Variants in SLC8A3 observed in about 807,000 individuals in gnomAD.
The protein encoded by SLC8A3 is sodium/calcium exchanger 3.
Under a neutral mutation model 65.4 loss-of-function variants are expected in SLC8A3, and 37 were observed. That is an observed-to-expected ratio of 0.57 (90% CI 0.44 to 0.74). The LOEUF is 0.74. Among genes scored for constraint, SLC8A3 ranks in the 30% least tolerant of loss-of-function variants. The pLI, the probability that SLC8A3 is intolerant of heterozygous loss-of-function variation, is 0.00. For synonymous variants in SLC8A3, 461 were observed against 444.5 expected (o/e 1.04, Z -0.47); for missense variants, 1,112 against 1,172.1 (o/e 0.95, Z 0.75).
At chr14:70,161,136 A>AT (rs1484012095) in intron 2 of SLC8A3, among the ~76,000 whole-genome samples, 4 of 144,660 alleles carry the variant, frequency 2.8e-5, no homozygotes, top group African/African-American at 1.0e-4. Context: ...TATATATATA[A>AT]ATATAAATAT....
chr14:70,056,857 G>A (rs1188470448), intron 3 of SLC8A3, among the ~76,000 whole-genome samples: 2 of 152,202 alleles, frequency 1.3e-5, no homozygotes, highest in Non-Finnish European at 2.9e-5. Flanking sequence ...TTGTACTTAT[G>A]CTGAACCCTC....
At position 70,046,270 on chromosome 14, in the gene SLC8A3, T is replaced by C. The variant is rs150876389; in HGVS notation, c.2443A>G (p.Ile815Val). Residue 815 changes from isoleucine (I) to valine (V), a missense_variant, in exon 7 of 7, where the codon ATT (isoleucine) becomes GTT (valine). Transcript: ENST00000356921. This position sits in a 1 kb window ranked among gnomAD's most constrained non-coding sequence, Gnocchi z 4.2. Reference sequence around the variant, plus strand: ...GCGTTGCTGCCCGTCACGTTGCCAATGGAGGCGTCTGCATATACATCCTGG... The same window carrying C: ...GCGTTGCTGCCCGTCACGTTGCCAACGGAGGCGTCTGCATATACATCCTGG... ...ALQDVYADAS[I>V]GNVTGSNAVN... 2,203 of 1,614,078 alleles carry C rather than the reference T, an allele frequency of 1.4e-3. 13 individuals carry two copies. The highest frequency in any genetic ancestry group is 5.7e-3 in the South Asian group (515 of 91,066).
intron 1 of SLC8A3, among the ~76,000 whole-genome samples, chr14:70,183,798 T>G (rs1299843703): frequency 1.3e-5 from 2 of 152,204 alleles, no homozygotes; most frequent in East Asian, 3.8e-4. Context: ...CCAGGACACA[T>G]AGCCCTCCTG....
Position 70,091,675 on chromosome 14 carries a change from C to T in SLC8A3, c.1785-30736G>A, listed in dbSNP as rs1169274261. ...TGATCATTTGAATCACCATCTTTTACGTTCTATTTTAACTTGAGGCAACAT... is the reference window on the plus strand; with the variant it reads ...TGATCATTTGAATCACCATCTTTTATGTTCTATTTTAACTTGAGGCAACAT... On this transcript the variant is annotated intron_variant, in intron 2 of 6. Transcript: ENST00000356921. Among the ~76,000 whole-genome samples, 11 of 152,252 alleles carry T rather than the reference C, an allele frequency of 7.2e-5. No homozygotes were observed. In the East Asian group the frequency reaches 1.2e-3, roughly 16 times the overall value.
intron 2 of SLC8A3, among the ~76,000 whole-genome samples, chr14:70,116,699 C>T (rs1893694026): frequency 6.6e-6 from 1 of 152,146 alleles, no homozygotes; most frequent in African/African-American, 2.4e-5. Context: ...GCTCCAGCCA[C>T]CCTTTCTGAC....
chr14:70,075,404 G>C (rs1890411376), intron 2 of SLC8A3, among the ~76,000 whole-genome samples: 1 of 152,162 alleles, frequency 6.6e-6, no homozygotes, highest in East Asian at 1.9e-4. Context: ...TTATTTTTAG[G>C]CAATAGGGAG....
At chr14:70,090,881 G>A (rs1417669777) in intron 2 of SLC8A3, among the ~76,000 whole-genome samples, 1 of 152,088 alleles carries the variant, frequency 6.6e-6, no homozygotes, top group Non-Finnish European at 1.5e-5. Context: ...GATAATTCAG[G>A]TGCTTCTTAC....
intron 2 of SLC8A3, among the ~76,000 whole-genome samples, chr14:70,113,374 G>T (rs1006934635): frequency 6.6e-6 from 1 of 152,088 alleles, no homozygotes; most frequent in Non-Finnish European, 1.5e-5. Context: ...CCTAGAAAAG[G>T]CACAGCAAAA....
chr14:70,062,396 C>CCCCAA, intron 2 of SLC8A3, among the ~76,000 whole-genome samples: 1 of 152,260 alleles, frequency 6.6e-6, no homozygotes, highest in East Asian at 1.9e-4. Flanking sequence ...TCCCATAAGG[C>CCCCAA]TATATACTAC....
chr14:70,064,284 C>T (rs1263908366), intron 2 of SLC8A3, among the ~76,000 whole-genome samples: 2 of 152,180 alleles, frequency 1.3e-5, no homozygotes, highest in East Asian at 1.9e-4. Context: ...CATCCCAGGG[C>T]AGTTATGAGA....
At chr14:70,102,760 T>G (rs1368237563) in intron 2 of SLC8A3, among the ~76,000 whole-genome samples, 3 of 151,994 alleles carry the variant, frequency 2.0e-5, no homozygotes, top group Admixed American at 2.0e-4. Flanking sequence ...TTGTCCAATC[T>G]GAAGAACATA....
chr14:70,088,998 G>A (rs529453877), intron 2 of SLC8A3, among the ~76,000 whole-genome samples: 1 of 152,130 alleles, frequency 6.6e-6, no homozygotes, highest in South Asian at 2.1e-4. Context: ...TTATATTCCT[G>A]ACCTGATTTG....
Position 70,166,968 on chromosome 14 carries a change from G to T in SLC8A3, c.1455C>A (p.Ser485Arg). Reference sequence around the variant, plus strand: ...GCTGCTCCTCCTCTATGCGGACATTGCTCAACCTTACAAAGAAGTGTTCAT... The same window carrying T: ...GCTGCTCCTCCTCTATGCGGACATTTCTCAACCTTACAAAGAAGTGTTCAT... ...EEDEHFFVRL[S>R]NVRIEEEQPE... Residue 485 changes from serine (S) to arginine (R), a missense_variant, in exon 2 of 7, where the codon AGC (serine) becomes AGA (arginine). By Grantham distance (110) the Ser-to-Arg change is moderately radical (BLOSUM62 -1). Transcript: ENST00000356921. The T allele has an allele frequency of 6.2e-7, 1 of 1,614,066 alleles. No homozygotes were observed. Among genetic ancestry groups the T allele is most frequent in the South Asian group, 1.1e-5 (1 of 91,076 alleles).
At chr14:70,170,133 C>G (rs1451769386) in intron 1 of SLC8A3, among the ~76,000 whole-genome samples, 1 of 152,154 alleles carries the variant, frequency 6.6e-6, no homozygotes, top group African/African-American at 2.4e-5. Context: ...TTAAGCATAT[C>G]GCTCCCCTGT....
intron 3 of SLC8A3, 91 bp from the exon 4 acceptor site, chr14:70,052,205 A>G (rs1887592320): frequency 2.8e-6 from 4 of 1,443,982 alleles, no homozygotes; most frequent in Non-Finnish European, 3.7e-6. Context: ...CAGTGGGTAC[A>G]AAGCAAATAA....
At chr14:70,183,093 T>A (rs1267046798) in intron 1 of SLC8A3, among the ~76,000 whole-genome samples, 1 of 152,220 alleles carries the variant, frequency 6.6e-6, no homozygotes, top group Non-Finnish European at 1.5e-5. Context: ...AATTATCACA[T>A]GGAAGCCATG....
chr14:70,151,033 T>C (rs577855709), intron 2 of SLC8A3, among the ~76,000 whole-genome samples: 11 of 152,118 alleles, frequency 7.2e-5, no homozygotes, highest in Middle Eastern at 3.4e-3. Flanking sequence ...GGTGGGTGGA[T>C]CACGAGGTCA....
At chr14:70,138,999 T>C (rs1895397270) in intron 2 of SLC8A3, among the ~76,000 whole-genome samples, 1 of 152,222 alleles carries the variant, frequency 6.6e-6, no homozygotes, top group East Asian at 1.9e-4. Flanking sequence ...GAACTTTTCC[T>C]GCTGTCCCAA....
chr14:70,101,282 G>A (rs1892533721), intron 2 of SLC8A3, among the ~76,000 whole-genome samples: 1 of 152,204 alleles, frequency 6.6e-6, no homozygotes, highest in Non-Finnish European at 1.5e-5. Context: ...ATGAAATATA[G>A]ACTGACTGAA....
Sources: gnomAD v4.1 joint callset for allele counts (sites outside exome capture counted in the v4.1 genomes callset) on GRCh38, gnomAD v4.1.1 for gene constraint, Gnocchi (gnomAD v3.1) non-coding constraint, MANE v1.5 for transcripts, NCBI Gene and HGNC (gene_info 2026-07-23, HGNC 2026-07-21) for gene names.